TRPM7: variants seen among roughly 807,000 people sequenced by gnomAD.
TRPM7 encodes transient receptor potential cation channel subfamily M member 7, also known as LTRPC ion channel family member 7.
TRPM7 carries 134 observed loss-of-function variants against 229.7 expected under a neutral mutation model. The observed-to-expected ratio is 0.58, with a 90% CI of 0.51 to 0.67. The LOEUF is 0.67. TRPM7 is among the 30% of genes least tolerant of loss of function. The pLI, the probability that TRPM7 is intolerant of heterozygous loss-of-function variation, is 0.00. For missense variants in TRPM7, 1,901 were observed against 2,210.0 expected (o/e 0.86, Z 2.80); for synonymous variants, 699 against 715.2 (o/e 0.98, Z 0.36).
chr15:50,612,749 G>A lies in TRPM7; in HGVS notation c.1851C>T (p.Arg617=). The change falls in exon 16 of 39, where the codon CGC becomes CGT. Residue 617 remains arginine, a synonymous_variant. Transcript: ENST00000646667. ...IVDIDDPETK[R]FPYPLNELLI... ...AAAGTTCATTAAGTGGATAAGGAAA[G>A]CGCTTGGTTTCTGGATCATCAATGT... The A allele has an allele frequency of 6.2e-7, 1 of 1,614,104 alleles. No homozygotes were observed.
At chr15:50,671,176 G>A (rs887027117) in intron 1 of TRPM7, among the ~76,000 whole-genome samples, 7 of 151,940 alleles carry the variant, frequency 4.6e-5, no homozygotes, top group African/African-American at 1.7e-4. Context: ...CTGAAATTTT[G>A]CATCCTTTGA....
At chr15:50,587,913 A>G (rs1169154368) in intron 27 of TRPM7, among the ~76,000 whole-genome samples, 2 of 152,198 alleles carry the variant, frequency 1.3e-5, no homozygotes, top group African/African-American at 4.8e-5. Flanking sequence ...CCAATTTGGT[A>G]GACAGCAGTC....
chr15:50,621,170 A>C (rs953525823), intron 12 of TRPM7, among the ~76,000 whole-genome samples: 10 of 151,448 alleles, frequency 6.6e-5, no homozygotes, highest in African/African-American at 1.9e-4. Context: ...AAAAAAAAAA[A>C]AAAAAAAAAA....
At chr15:50,615,825 T>C (rs62017171) in intron 13 of TRPM7, among the ~76,000 whole-genome samples, 22,364 of 152,018 alleles carry the variant, frequency 0.15, 2,219 homozygotes, top group Admixed American at 0.28. Context: ...GAACCCAGGA[T>C]GCGGAAGTTG....
intron 3 of TRPM7, among the ~76,000 whole-genome samples, chr15:50,649,756 T>C (rs1333943777): frequency 6.6e-6 from 1 of 152,174 alleles, no homozygotes; most frequent in African/African-American, 2.4e-5. Context: ...GGCAGTCTCA[T>C]TGATTTGATA....
intron 13 of TRPM7, among the ~76,000 whole-genome samples, chr15:50,617,127 CAAAAAAATAAATAAATAAAT>C (rs1448571526): frequency 1.5e-5 from 2 of 135,298 alleles, no homozygotes; most frequent in African/African-American, 2.8e-5. Flanking sequence ...CCATCTCTAC[CAAAAAAATAAATAAATAAAT>C]AAATAAATAA....
Position 50,686,670 on chromosome 15 carries a change from C to T in TRPM7, c.-137G>A. The T allele has an allele frequency of 8.3e-7, 1 of 1,203,014 alleles. No individual in the cohort carries two copies. The highest frequency in any genetic ancestry group is 1.2e-6 in the Non-Finnish European group (1 of 865,102). The allele number at this position is 1,203,014 out of a possible 1,614,324, so 74.5% of individuals were successfully genotyped here. ...CAAGGAACGCCCAGGGAAACCTTCT[C>T]AGAACTAACTCAGCTCCGGCGCTAG... On this transcript the variant is annotated 5_prime_UTR_variant, in exon 1 of 39. Transcript: ENST00000646667.
intron 9 of TRPM7, among the ~76,000 whole-genome samples, chr15:50,632,145 A>C (rs949120580): frequency 6.6e-6 from 1 of 152,102 alleles, no homozygotes; most frequent in African/African-American, 2.4e-5. Flanking sequence ...TCTAGTCAAA[A>C]TACAAAAATT....
chr15:50,612,861 T>C (rs986783546), intron 15 of TRPM7, 32 bp from the exon 16 acceptor site: 2 of 1,573,198 alleles, frequency 1.3e-6, no homozygotes, highest in African/African-American at 1.4e-5. Context: ...TAAAGCTCAT[T>C]ATAATAAGGC....
Position 50,592,572 on chromosome 15 carries a change from T to C in TRPM7, c.3663A>G (p.Ile1221Met), listed in dbSNP as rs762036423. ...IKEVGDRVNYIKRSLQSLDSQ... is the reference protein window; with the variant it reads ...IKEVGDRVNYMKRSLQSLDSQ... ...AATCTAATGATTGTAATGATCTTTT[T>C]ATGTAGTTGACACGATCTCCAACTT... The change falls in exon 26 of 39, where the codon ATA becomes ATG. Residue 1221 changes from isoleucine to methionine, a missense_variant. Around this residue, in one of 8 missense-constraint regions of TRPM7, gnomAD observed 533 missense variants for 497.1 expected, o/e 1.07. Coordinates refer to ENST00000646667, the MANE Select transcript of TRPM7 (RefSeq NM_017672.6). 1 of 1,609,074 alleles carries C rather than the reference T, an allele frequency of 6.2e-7. No homozygotes were observed. The highest frequency in any genetic ancestry group is 1.1e-5 in the South Asian group (1 of 91,080).
intron 35 of TRPM7, 69 bp downstream of exon 35, chr15:50,574,568 C>A: frequency 1.3e-6 from 2 of 1,551,288 alleles, no homozygotes; most frequent in South Asian, 1.2e-5. Flanking sequence ...TATTCAACAT[C>A]AAAAATGAAG....
In TRPM7 at chr15:50,632,932, A is replaced by C; in HGVS notation, c.1068T>G (p.Phe356Leu). ...IISTIKKTFN[F>L]GQNEALHLFQ... ...ATAAATGAAGTGCTTCATTCTGGCC[A>C]AAGTTAAATGTTTTTTTGATAGTGG... Residue 356 changes from phenylalanine (F) to leucine (L), a missense_variant, in exon 9 of 39, where the codon TTT becomes TTG. Phe to Leu is a conservative substitution (Grantham distance 22). Transcript: ENST00000646667. 1.2e-6 allele frequency: 2 copies of C among 1,607,008 alleles called. No homozygotes were observed. Among genetic ancestry groups the C allele is most frequent in the South Asian group, 1.1e-5 (1 of 89,820 alleles).
chr15:50,632,602 T>A (rs1017072502), intron 9 of TRPM7, among the ~76,000 whole-genome samples: 1 of 152,210 alleles, frequency 6.6e-6, no homozygotes, highest in Non-Finnish European at 1.5e-5. Flanking sequence ...CTGAACATTA[T>A]CTGTTGAGAC....
chr15:50,669,361 G>A (rs1042256893), intron 1 of TRPM7, among the ~76,000 whole-genome samples: 3 of 152,156 alleles, frequency 2.0e-5, no homozygotes, highest in Admixed American at 1.3e-4. Flanking sequence ...CTTGAACTCA[G>A]GAGATGGAGG....
chr15:50,646,242 G>A lies in TRPM7; in HGVS notation c.321+2445C>T, dbSNP rs139824360. 9.1e-4 allele frequency among the ~76,000 whole-genome samples: 139 copies of A among 152,166 alleles called. 1 individual carries two copies. Among genetic ancestry groups the A allele is most frequent in the African/African-American group, 2.9e-3 (122 of 41,534 alleles). Reference sequence around the variant, plus strand: ...GGCAAGGTTTTCCTCATCAGAACACGGAGGCAGGCAGAACAATGTAGAGGT... The same window carrying A: ...GGCAAGGTTTTCCTCATCAGAACACAGAGGCAGGCAGAACAATGTAGAGGT... On this transcript the variant is annotated intron_variant, in intron 4 of 38. Coordinates refer to ENST00000646667, the MANE Select transcript of TRPM7 (RefSeq NM_017672.6).
At chr15:50,643,608 A>C in intron 4 of TRPM7, 55 bp from the exon 5 acceptor site, 1 of 1,474,916 alleles carries the variant, frequency 6.8e-7, no homozygotes, top group Non-Finnish European at 9.4e-7. Flanking sequence ...AGGTTTCATA[A>C]TGTGACATTA....
At position 50,610,938 on chromosome 15, in the gene TRPM7, C is replaced by T. The variant is rs190405611; in HGVS notation, c.2280+155G>A. ...TAGAGGAAAAAAGAAGCCCATTATA[C>T]CACTTGGGATGAAATGCCAATCATC... is the stretch of plus-strand genomic sequence containing the variant. On this transcript the variant is annotated intron_variant, in intron 17 of 38. Coordinates refer to ENST00000646667, the MANE Select transcript of TRPM7 (RefSeq NM_017672.6). Among the ~76,000 whole-genome samples the T allele has an allele frequency of 3.9e-5, 6 of 152,126 alleles. No homozygotes were observed. In the East Asian group the frequency reaches 1.2e-3, roughly 29 times the overall value.
At chr15:50,642,040 T>C (rs1366282603) in intron 5 of TRPM7, among the ~76,000 whole-genome samples, 3 of 152,042 alleles carry the variant, frequency 2.0e-5, no homozygotes, top group Non-Finnish European at 4.4e-5. Context: ...ATTAGATGTT[T>C]GCAAGCTGAC....
chr15:50,637,729 A>C, intron 6 of TRPM7, 136 bp from the exon 7 acceptor site: 3 of 804,766 alleles, frequency 3.7e-6, no homozygotes, highest in Admixed American at 3.2e-5. Flanking sequence ...CCAAATGACA[A>C]AGAATGTTTC....
Sources: gnomAD v4.1 joint callset for allele counts (sites outside exome capture counted in the v4.1 genomes callset) on GRCh38, gnomAD v4.1.1 for gene constraint, gnomAD v4.1.1 regional missense constraint, MANE v1.5 for transcripts, NCBI Gene and HGNC (gene_info 2026-07-23, HGNC 2026-07-21) for gene names.